The following LZTR1 variants were observed in gnomAD, a reference collection of about 807,000 sequenced individuals.
LZTR1 encodes leucine-zipper-like transcriptional regulator 1.
LZTR1 carries 260 observed loss-of-function variants against 105.7 expected under a neutral mutation model. The observed-to-expected ratio is 2.46, with a 90% confidence interval of 2.22 to 2.72. The LOEUF (loss-of-function observed/expected upper bound fraction) is 2.72. Ranked by LOEUF, LZTR1 falls within the 30% of genes most tolerant of loss-of-function variation. LZTR1 has a pLI of 0.00. For missense variants in LZTR1, 1,214 were observed against 1,166.9 expected (o/e 1.04, Z -0.59); for synonymous variants, 490 against 476.4 (o/e 1.03, Z -0.37).
intron 1 of LZTR1, among the ~76,000 whole-genome samples, 199 bp from the exon 2 acceptor site, chr22:20,982,828 G>A (rs1924246158): frequency 6.6e-6 from 1 of 152,168 alleles, no homozygotes; most frequent in Non-Finnish European, 1.5e-5. Flanking sequence ...TCTGAGGTGG[G>A]GTGAGGAGTC....
chr22:20,987,685 AG>A (rs1380452029), intron 4 of LZTR1, 102 bp downstream of exon 4: 1 of 1,065,742 alleles, frequency 9.4e-7, no homozygotes. Context: ...TGTGTACAGC[AG>A]GGGCTCTCTC....
In LZTR1 at chr22:20,988,060, GACCTCTTTGA is replaced by G. The variant is rs1294254372; in HGVS notation, c.453_462del (p.Leu152ThrfsTer45). 6.2e-7 allele frequency: 1 copy of G among 1,613,344 alleles called. No individual in the cohort carries two copies. Among genetic ancestry groups the G allele is most frequent in the Non-Finnish European group, 8.5e-7 (1 of 1,179,440 alleles). On this transcript the variant is annotated frameshift_variant, in exon 5 of 21. Transcript: ENST00000646124. LOFTEE classifies it high-confidence loss of function. ...CAATTCTAACTTGAAGAATAAAAACGACCTCTTTGAATACAAGTTTGCAACTGGCCAGTGG... is the reference window on the plus strand; with the variant it reads ...CAATTCTAACTTGAAGAATAAAAACGATACAAGTTTGCAACTGGCCAGTGG...
intron 14 of LZTR1, 121 bp from the exon 15 acceptor site, chr22:20,994,437 C>T (rs987268532): frequency 7.8e-7 from 1 of 1,279,368 alleles, no homozygotes; most frequent in South Asian, 1.3e-5. Context: ...CATCTGAGTC[C>T]CCCGAGGCCT....
At chr22:20,985,163 C>T (rs1256504251) in intron 2 of LZTR1, among the ~76,000 whole-genome samples, 1 of 148,534 alleles carries the variant, frequency 6.7e-6, no homozygotes, top group African/African-American at 2.5e-5. Context: ...CGGGTTCAAG[C>T]GATTCTGCCG....
intron 5 of LZTR1, 28 bp from the exon 6 acceptor site, chr22:20,988,761 C>T (rs777558226): frequency 4.8e-5 from 76 of 1,587,490 alleles, no homozygotes; most frequent in Non-Finnish European, 6.2e-5. Flanking sequence ...GGCGGCCTCA[C>T]TCCCTCCCCT....
rs1404832451 is a variant in LZTR1, at chr22:20,993,717, G to A, written c.1316G>A (p.Ser439Asn). 1 of 1,613,500 alleles carries A rather than the reference G, an allele frequency of 6.2e-7. No homozygotes were observed. The highest frequency in any genetic ancestry group is 8.5e-7 in the Non-Finnish European group (1 of 1,179,950). ...GAGGACTACGGGCGGCTGTGGGAGA[G>A]CCGCCAGTTCTGCGACGTGGAGTTC... The part of the protein sequence containing the change: ...LHEDYGRLWE[S>N]RQFCDVEFVL... Residue 439 changes from serine (S) to asparagine (N), a missense_variant, in exon 12 of 21, where the codon AGC becomes AAC. Ser to Asn is a conservative substitution (Grantham distance 46). Coordinates refer to ENST00000646124, the MANE Select transcript of LZTR1 (RefSeq NM_006767.4).
At chr22:20,983,966 C>T (rs1160564078) in intron 2 of LZTR1, among the ~76,000 whole-genome samples, 2 of 152,228 alleles carry the variant, frequency 1.3e-5, no homozygotes, top group Non-Finnish European at 2.9e-5. Flanking sequence ...TGAGAGTCTG[C>T]TGCTCCTCTG....
Position 20,992,786 on chromosome 22 carries a change from TCC to T in LZTR1, c.1150-4_1150-3del. On this transcript the variant is annotated splice_region_variant and splice_polypyrimidine_tract_variant and intron_variant, in intron 10 of 20. Transcript: ENST00000646124. ...CCCACCATTCCACCCTGCCTTCTTG[TCC>T]CCCAGCTGCCCAGTGGGAGGCTCTT... The T allele has an allele frequency of 6.4e-7, 1 of 1,559,750 alleles. No homozygotes were observed. Among genetic ancestry groups the T allele is most frequent in the South Asian group, 1.2e-5 (1 of 86,206 alleles).
intron 11 of LZTR1, 124 bp from the exon 12 acceptor site, chr22:20,993,538 C>G (rs948681933): frequency 4.8e-4 from 353 of 737,130 alleles, no homozygotes; most frequent in Non-Finnish European, 7.7e-4. Flanking sequence ...CAGCCAGGCC[C>G]ACCTGCCTCC....
Position 20,985,799 on chromosome 22 carries a change from T to C in LZTR1, c.264-42T>C, listed in dbSNP as rs178287. ...GCCCATCTCTGGGGTCACTGCAGAG[T>C]AGACCTGGCTAATGCCACCCTCTCT... On this transcript the variant is annotated intron_variant, in intron 2 of 20. Coordinates refer to ENST00000646124, the MANE Select transcript of LZTR1 (RefSeq NM_006767.4). 662,893 of 1,597,062 alleles carry C rather than the reference T, an allele frequency of 0.42. 140,045 individuals carry two copies. The highest frequency in any genetic ancestry group is 0.55 in the South Asian group (50,214 of 90,698).
intron 10 of LZTR1, 59 bp from the exon 11 acceptor site, chr22:20,992,735 C>A: frequency 8.7e-7 from 1 of 1,151,564 alleles, no homozygotes; most frequent in Non-Finnish European, 1.3e-6. Context: ...CTGGCTGCAC[C>A]AGCCGCACTG....
In LZTR1 at chr22:20,995,039, G is replaced by T; in HGVS notation, c.1942+13G>T. ...CCAGTGGACATTGGTAGGGAGCCCC[G>T]TTCCCCTTCCCTGGGGGCTGGGAGG... On this transcript the variant is annotated intron_variant, in intron 16 of 20. Coordinates refer to ENST00000646124, the MANE Select transcript of LZTR1 (RefSeq NM_006767.4). 6.3e-7 allele frequency: 1 copy of T among 1,598,748 alleles called. No homozygotes were observed.
rs1294262981 is a variant in LZTR1, at chr22:20,982,364, G to A, written c.-8G>A. The A allele has an allele frequency of 5.8e-6, 9 of 1,547,360 alleles. No individual in the cohort carries two copies. The highest frequency in any genetic ancestry group is 7.9e-6 in the Non-Finnish European group (9 of 1,144,912). The stretch of plus-strand genomic sequence containing the variant: ...CTTACAGCGCGGCCGATCCGGCGTG[G>A]ACCCGGGATGGCTGGACCGGGCAGC... On this transcript the variant is annotated 5_prime_UTR_variant, in exon 1 of 21. Transcript: ENST00000646124.
At chr22:20,992,579 A>C in intron 10 of LZTR1, 1 of 647,758 alleles carries the variant, frequency 1.5e-6, no homozygotes, top group Non-Finnish European at 2.6e-6. Context: ...TGCCCTGACC[A>C]CTCTGAGGGT....
intron 11 of LZTR1, chr22:20,993,378 G>T: frequency 1.8e-6 from 1 of 545,158 alleles, no homozygotes; most frequent in Non-Finnish European, 3.3e-6. Flanking sequence ...AGTGGAGACG[G>T]CAGAGCTCTG....
rs369939644 is a variant in LZTR1 at position 20,987,732 on chromosome 22, C to T, written c.400+149C>T. On this transcript the variant is annotated intron_variant, in intron 4 of 20. Coordinates refer to ENST00000646124, the MANE Select transcript of LZTR1 (RefSeq NM_006767.4). ...GCTTTGTCTGCCAGTCTTCGGAATT[C>T]TGCGCTGGATCTGGGACCCCTTGCC... 1.9e-4 allele frequency: 145 copies of T among 762,008 alleles called. No homozygotes were observed. The African/African-American group carries it at 2.2e-3, about 11-fold the overall frequency. The allele number at this position is 762,008 out of a possible 1,614,324, so 47.2% of individuals were successfully genotyped here. A position where few individuals can be genotyped will look rare whatever the true frequency, so the allele number is the denominator to read the frequency against.
chr22:20,982,649 CG>C, intron 1 of LZTR1, 78 bp downstream of exon 1: 10 of 1,418,328 alleles, frequency 7.1e-6, no homozygotes, highest in Non-Finnish European at 6.8e-6. Flanking sequence ...GGGGCGAAGC[CG>C]GGGGGTGGTG....
intron 10 of LZTR1, 93 bp downstream of exon 10, chr22:20,992,462 G>GC: frequency 7.4e-7 from 1 of 1,359,026 alleles, no homozygotes; most frequent in Non-Finnish European, 1.0e-6. Flanking sequence ...GAGGCCCCGA[G>GC]AAATACTTGC....
intron 4 of LZTR1, 55 bp downstream of exon 4, chr22:20,987,638 CT>C: frequency 6.8e-7 from 1 of 1,478,668 alleles, no homozygotes; most frequent in South Asian, 1.1e-5. Flanking sequence ...CACAGACACC[CT>C]GCCCTTCTGC....
Sources: allele counts gnomAD v4.1 joint callset (sites outside exome capture counted in the v4.1 genomes callset), GRCh38; gene constraint gnomAD v4.1.1; transcripts MANE v1.5; gene names NCBI Gene and HGNC (gene_info 2026-07-23, HGNC 2026-07-21).